The following ATAD5 variants were observed in gnomAD, a reference collection of about 807,000 sequenced individuals.
ATAD5 encodes the protein ATPase family AAA domain containing 5, also known as ATPase family AAA domain-containing protein 5.
ATAD5 carries 58 observed loss-of-function variants against 176.9 expected under a neutral mutation model. The observed-to-expected ratio is 0.33, with a 90% CI of 0.27 to 0.41. The LOEUF (loss-of-function observed/expected upper bound fraction) is 0.41, where lower values mean the gene tolerates loss of function less well. Among genes scored for constraint, ATAD5 ranks in the 10% least tolerant of loss-of-function variants. The probability of loss-of-function intolerance (pLI) is 1.00; values close to 1 mark genes in which losing one functional copy is unlikely to be tolerated. For synonymous variants in ATAD5, 640 were observed against 712.6 expected (o/e 0.90, Z 1.62); for missense variants, 1,789 against 2,094.1 (o/e 0.85, Z 2.84).
chr17:30,887,611 C>T (rs761359583), intron 19 of ATAD5, among the ~76,000 whole-genome samples: 2 of 151,866 alleles, frequency 1.3e-5, no homozygotes, highest in African/African-American at 4.8e-5. Flanking sequence ...GAGTTCAAAA[C>T]CAGCCTGCGC....
rs1007252225 is a variant in ATAD5, at chr17:30,874,577, G to T, written c.3608-1797G>T. On this transcript the variant is annotated intron_variant, in intron 14 of 22. Transcript: ENST00000321990. Reference sequence around the variant, plus strand: ...AAAAAAAAAAAAAAGAGGAAAAAATGGTGTTTTTTATAAATTGATATCTGT... The same window carrying T: ...AAAAAAAAAAAAAAGAGGAAAAAATTGTGTTTTTTATAAATTGATATCTGT... Among the ~76,000 whole-genome samples the T allele has an allele frequency of 2.0e-5, 3 of 146,358 alleles. No individual in the cohort carries two copies. In the East Asian group the frequency reaches 5.9e-4, roughly 29 times the overall value.
chr17:30,863,191 A>G (rs942111112), intron 10 of ATAD5, among the ~76,000 whole-genome samples: 1 of 151,912 alleles, frequency 6.6e-6, no homozygotes, highest in East Asian at 1.9e-4. Flanking sequence ...CTGTCTCAAG[A>G]AAAAAAGAAA....
intron 8 of ATAD5, among the ~76,000 whole-genome samples, chr17:30,857,431 G>A (rs921799455): frequency 6.6e-6 from 1 of 152,046 alleles, no homozygotes; most frequent in East Asian, 1.9e-4. Context: ...GGTCAGGCTG[G>A]TCTTGAACTC....
rs367701706 is a variant in ATAD5, at chr17:30,889,032, C to T, written c.4258+1660C>T. Among the ~76,000 whole-genome samples, 5 of 149,892 alleles carry T rather than the reference C, an allele frequency of 3.3e-5. No homozygotes were observed. The East Asian group carries it at 7.8e-4, about 23-fold the overall frequency. ...CCAAGATCGCACCACTGCATTCCAA[C>T]CTGGGCGACAGAGTGAGACTCTGTC... On this transcript the variant is annotated intron_variant, in intron 19 of 22. Transcript: ENST00000321990.
At position 30,844,032 on chromosome 17, in the gene ATAD5, T is replaced by C; in HGVS notation, c.2361T>C (p.Asn787=). The change falls in exon 5 of 23, where the codon AAT becomes AAC. Residue 787 remains asparagine (N), a synonymous_variant. Coordinates refer to ENST00000321990, the MANE Select transcript of ATAD5 (RefSeq NM_024857.5). ...LGKKLNTSTK[N]VPGKMKVAPL... The stretch of plus-strand genomic sequence containing the variant: ...AAAAACTTAACACATCCACTAAAAA[T>C]GTACCTGGTAATCAGAGTTAATAAT... The C allele has an allele frequency of 2.6e-6, 4 of 1,541,526 alleles. No individual in the cohort carries two copies. Among genetic ancestry groups the C allele is most frequent in the Non-Finnish European group, 3.5e-6 (4 of 1,149,300 alleles).
At chr17:30,859,660 CTATT>C (rs983983140) in intron 9 of ATAD5, among the ~76,000 whole-genome samples, 2 of 151,906 alleles carry the variant, frequency 1.3e-5, no homozygotes, top group African/African-American at 4.8e-5. Context: ...CATACCTGGC[CTATT>C]TATTTATTTT....
intron 14 of ATAD5, among the ~76,000 whole-genome samples, chr17:30,873,509 G>A (rs928920583): frequency 2.0e-5 from 3 of 151,646 alleles, no homozygotes; most frequent in Admixed American, 6.6e-5. Flanking sequence ...GTAGAGACAC[G>A]GTTTCACCAT....
intron 1 of ATAD5, among the ~76,000 whole-genome samples, chr17:30,833,009 G>A (rs1393616019): frequency 6.6e-6 from 1 of 152,176 alleles, no homozygotes; most frequent in Non-Finnish European, 1.5e-5. Flanking sequence ...GAAGTAGTGG[G>A]CTAGCATCTT....
At chr17:30,837,369 A>G in intron 3 of ATAD5, 55 bp downstream of exon 3, 1 of 1,192,662 alleles carries the variant, frequency 8.4e-7, no homozygotes, top group Non-Finnish European at 1.2e-6. Flanking sequence ...TTAAAAAACA[A>G]ACAAAAAACC....
At position 30,860,548 on chromosome 17, in the gene ATAD5, T is replaced by C. The variant is rs984041189; in HGVS notation, c.3072T>C (p.Asn1024=). Residue 1024 remains asparagine, a synonymous_variant, in exon 10 of 23, where the codon AAT becomes AAC. Coordinates refer to ENST00000321990, the MANE Select transcript of ATAD5 (RefSeq NM_024857.5). The stretch of plus-strand genomic sequence containing the variant: ...ATTCAAAAAATCTGGAGAAGACCAA[T>C]AGGAAGTCAGAAGAACTTAGCAAAA... ...NEYSKNLEKT[N]RKSEELSKRN... is the part of the protein sequence containing the mutation. 2.5e-6 allele frequency: 4 copies of C among 1,596,522 alleles called. No homozygotes were observed. The highest frequency in any genetic ancestry group is 1.7e-4 in the Middle Eastern group (1 of 5,880).
At chr17:30,842,905 G>A (rs766905178) in intron 4 of ATAD5, among the ~76,000 whole-genome samples, 1 of 151,958 alleles carries the variant, frequency 6.6e-6, no homozygotes, top group Non-Finnish European at 1.5e-5. Flanking sequence ...CATCACACCT[G>A]GCTAATTTTG....
intron 10 of ATAD5, chr17:30,861,800 C>G (rs1420083339): frequency 6.6e-6 from 1 of 152,078 alleles, no homozygotes; most frequent in Non-Finnish European, 1.5e-5. Flanking sequence ...GCATGAGCCA[C>G]TGCACCCGGC....
chr17:30,848,045 C>T (rs1026111698), intron 6 of ATAD5, among the ~76,000 whole-genome samples: 9 of 152,096 alleles, frequency 5.9e-5, no homozygotes, highest in African/African-American at 1.9e-4. Context: ...TTCTTATACA[C>T]ATGTATGGAC....
At chr17:30,882,605 A>AG (rs1395604174) in intron 18 of ATAD5, among the ~76,000 whole-genome samples, 1 of 152,004 alleles carries the variant, frequency 6.6e-6, no homozygotes, top group Non-Finnish European at 1.5e-5. Context: ...GAAAAAAAAA[A>AG]CAATTTGTCT....
intron 15 of ATAD5, 38 bp downstream of exon 15, chr17:30,876,588 A>T: frequency 7.4e-7 from 1 of 1,354,200 alleles, no homozygotes; most frequent in Non-Finnish European, 1.0e-6. Flanking sequence ...ATTTTTTAAT[A>T]ATAATGACCC....
At chr17:30,883,124 ATTT>A (rs869117449) in intron 18 of ATAD5, among the ~76,000 whole-genome samples, 2 of 137,386 alleles carry the variant, frequency 1.5e-5, no homozygotes, top group African/African-American at 2.7e-5. Context: ...TAAACACCAG[ATTT>A]TTTTTTTTTT....
In ATAD5 at chr17:30,840,736, T is replaced by G; in HGVS notation, c.2196T>G (p.Ser732=). Residue 732 remains serine (S), a synonymous_variant, in exon 4 of 23, where the codon TCT becomes TCG. Coordinates refer to ENST00000321990, the MANE Select transcript of ATAD5 (RefSeq NM_024857.5). ...TAGCGATACCCTTAAGGCGCTCCTC[T>G]AGACATCAGACACTTCCTGAAAGGA... ...EEIAIPLRRS[S]RHQTLPERKK... 5.0e-6 allele frequency: 8 copies of G among 1,609,256 alleles called. No individual in the cohort carries two copies. Among genetic ancestry groups the G allele is most frequent in the Non-Finnish European group, 6.8e-6 (8 of 1,178,404 alleles).
At chr17:30,841,718 T>C (rs1906133416) in intron 4 of ATAD5, among the ~76,000 whole-genome samples, 1 of 152,184 alleles carries the variant, frequency 6.6e-6, no homozygotes, top group East Asian at 1.9e-4. Context: ...GGACATTTCA[T>C]ATCAATGGTA....
In ATAD5 at chr17:30,887,229, C is replaced by T. The variant is rs1909371889; in HGVS notation, c.4115C>T (p.Thr1372Ile). 1 of 1,595,404 alleles carries T rather than the reference C, an allele frequency of 6.3e-7. No individual in the cohort carries two copies. Among genetic ancestry groups the T allele is most frequent in the African/African-American group, 1.4e-5 (1 of 73,780 alleles). The change falls in exon 19 of 23, where the codon ACT (threonine) becomes ATT (isoleucine). Residue 1372 changes from threonine to isoleucine, a missense_variant. By Grantham distance (89) the Thr-to-Ile change is moderately conservative. Transcript: ENST00000321990. ...AGCTACCTACAAATGATTTGCTTAA[C>T]TGAGAATTTTAGAACTGATGTAAAA... is the stretch of plus-strand genomic sequence containing the variant. ...VASYLQMICL[T>I]ENFRTDVKDF...
Sources: gnomAD v4.1 joint callset for allele counts (sites outside exome capture counted in the v4.1 genomes callset) on GRCh38, gnomAD v4.1.1 for gene constraint, MANE v1.5 for transcripts, NCBI Gene and HGNC (gene_info 2026-07-23, HGNC 2026-07-21) for gene names.